Variants in LCOR observed in about 807,000 individuals in gnomAD.
The protein encoded by LCOR is ligand-dependent corepressor.
A neutral mutation model predicts 64.4 loss-of-function variants in LCOR; 14 were observed. The observed-to-expected ratio is 0.22, with a 90% confidence interval of 0.14 to 0.34. The LOEUF (loss-of-function observed/expected upper bound fraction) is 0.34, where lower values mean the gene tolerates loss of function less well. Ranked by LOEUF, LCOR falls within the 10% of genes least tolerant of loss-of-function variation. The pLI is 1.00. For synonymous variants in LCOR, 643 were observed against 642.5 expected (o/e 1.00, Z -0.01); for missense variants, 1,686 against 1,765.3 (o/e 0.96, Z 0.80).
chr10:96,965,929 C>T (rs2134550273), intron 7 of LCOR, among the ~76,000 whole-genome samples: 1 of 152,132 alleles, frequency 6.6e-6, no homozygotes, highest in African/African-American at 2.4e-5. Context: ...AATAAGATTA[C>T]AGTTTAGCAT....
At chr10:96,888,339 G>C (rs1406182831) in intron 2 of LCOR, among the ~76,000 whole-genome samples, 2 of 126,168 alleles carry the variant, frequency 1.6e-5, no homozygotes, top group Admixed American at 8.5e-5. Context: ...ACTCTAGCCT[G>C]GGTGACAGAG....
intron 2 of LCOR, among the ~76,000 whole-genome samples, chr10:96,884,990 T>C (rs1237484866): frequency 6.6e-6 from 1 of 152,192 alleles, no homozygotes; most frequent in Non-Finnish European, 1.5e-5. Flanking sequence ...TGTGCACTTA[T>C]CACATATTTT....
intron 2 of LCOR, among the ~76,000 whole-genome samples, chr10:96,874,042 A>G (rs890834024): frequency 6.6e-5 from 10 of 152,156 alleles, no homozygotes; most frequent in African/African-American, 2.4e-4. Context: ...CTTGAAAATG[A>G]TTTGCTTTAC....
intron 2 of LCOR, among the ~76,000 whole-genome samples, chr10:96,890,926 T>C (rs1332010658): frequency 2.6e-5 from 4 of 152,240 alleles, no homozygotes; most frequent in African/African-American, 9.6e-5. Context: ...CATATGCTGC[T>C]AAATTTTGTT....
intron 4 of LCOR, among the ~76,000 whole-genome samples, chr10:96,941,145 G>A (rs1489649779): frequency 7.3e-6 from 1 of 137,534 alleles, no homozygotes; most frequent in Non-Finnish European, 1.6e-5. Context: ...GCCGGGCAGA[G>A]GCGCCCCTCA....
chr10:96,847,328 T>C (rs1344742445), intron 2 of LCOR, among the ~76,000 whole-genome samples: 1 of 149,270 alleles, frequency 6.7e-6, no homozygotes, highest in Non-Finnish European at 1.5e-5. Context: ...AATAGAAATT[T>C]ATGTGTGACT....
rs142323862 is a variant in LCOR at position 96,841,235 on chromosome 10, G to A, written c.-330+7756G>A. 8.6e-4 allele frequency among the ~76,000 whole-genome samples: 131 copies of A among 152,284 alleles called. 1 individual carries two copies. The East Asian group carries it at 0.019, about 22-fold the overall frequency. On this transcript the variant is annotated intron_variant, in intron 2 of 7. Coordinates refer to ENST00000421806, the MANE Select transcript of LCOR (RefSeq NM_001346516.2). ...TGTCTCACAAGAATTTTTTAAATGT[G>A]CAGTAATCTAGATGAATAATTAACT...
In LCOR at chr10:96,992,253, C is replaced by T. The variant is rs983758958; in HGVS notation, c.*7119C>T. On this transcript the variant is annotated 3_prime_UTR_variant, in exon 8 of 8. Coordinates refer to ENST00000421806, the MANE Select transcript of LCOR (RefSeq NM_001346516.2). ...CAAATACATATATATAATATTTATA[C>T]ACACCACTGTGGAATTTATTTCACT... 6.6e-6 allele frequency: 1 copy of T among 152,170 alleles called. No individual in the cohort carries two copies. Among genetic ancestry groups the T allele is most frequent in the African/African-American group, 2.4e-5 (1 of 41,428 alleles). 9.4% of individuals were successfully genotyped at this position (152,170 alleles called of 1,614,324 possible).
intron 7 of LCOR, among the ~76,000 whole-genome samples, chr10:96,966,220 CTTTTTTTTTT>C (rs34210121): frequency 2.5e-4 from 14 of 55,146 alleles, no homozygotes; most frequent in Admixed American, 5.9e-4. Context: ...CCAAAGGACT[CTTTTTTTTTT>C]TTTTTTTTTT....
intron 4 of LCOR, among the ~76,000 whole-genome samples, chr10:96,924,864 A>C (rs958637352): frequency 6.6e-6 from 1 of 152,118 alleles, no homozygotes; most frequent in African/African-American, 2.4e-5. Flanking sequence ...AAGTCAGGAA[A>C]GTTAACCCTG....
intron 7 of LCOR, among the ~76,000 whole-genome samples, chr10:96,971,087 A>G (rs1044590776): frequency 1.8e-4 from 27 of 152,082 alleles, no homozygotes; most frequent in African/African-American, 6.5e-4. Flanking sequence ...GCTGTTGAAA[A>G]CCTAGTGGTG....
chr10:96,882,157 C>G (rs1846272858), intron 2 of LCOR, among the ~76,000 whole-genome samples: 1 of 151,156 alleles, frequency 6.6e-6, no homozygotes, highest in Non-Finnish European at 1.5e-5. Flanking sequence ...TGTTGTTTCC[C>G]AAAACAAAAA....
chr10:96,946,871 C>A (rs572448420), intron 5 of LCOR, among the ~76,000 whole-genome samples: 1 of 152,056 alleles, frequency 6.6e-6, no homozygotes, highest in East Asian at 1.9e-4. Flanking sequence ...AACACAGAGG[C>A]ATCGCATAAA....
At chr10:96,876,070 A>G (rs1223894353) in intron 2 of LCOR, among the ~76,000 whole-genome samples, 1 of 151,866 alleles carries the variant, frequency 6.6e-6, no homozygotes, top group Non-Finnish European at 1.5e-5. Context: ...TTCCCCTATC[A>G]TATTGTCTTA....
intron 4 of LCOR, among the ~76,000 whole-genome samples, chr10:96,941,281 G>T (rs1378386887): frequency 3.7e-5 from 5 of 135,766 alleles, no homozygotes; most frequent in Admixed American, 2.2e-4. Flanking sequence ...CTGGCCAGGC[G>T]GGGGGCTGAT....
intron 2 of LCOR, among the ~76,000 whole-genome samples, chr10:96,845,618 C>T (rs1254840847): frequency 6.6e-6 from 1 of 151,088 alleles, no homozygotes; most frequent in Admixed American, 6.6e-5. Flanking sequence ...CAGGTGCTCG[C>T]CACCTCGCCC....
At chr10:96,955,573 A>G (rs147914528) in intron 7 of LCOR, 1 of 1,614,224 alleles carries the variant, frequency 6.2e-7, no homozygotes, top group Non-Finnish European at 8.5e-7. Context: ...GATGCTGAGC[A>G]GTCTACCTCT....
chr10:96,983,247 C>T lies in LCOR; in HGVS notation c.2787C>T (p.Pro929=), dbSNP rs772623508. The T allele has an allele frequency of 6.2e-7, 1 of 1,614,174 alleles. No individual in the cohort carries two copies. The highest frequency in any genetic ancestry group is 1.3e-5 in the African/African-American group (1 of 75,038). The part of the protein sequence containing the change: ...EVKELRGEIF[P]SRDPITTAGQ... Reference sequence around the variant, plus strand: ...AGGAGTTACGAGGAGAGATTTTCCCCAGCAGGGACCCCATAACCACAGCTG... The same window carrying T: ...AGGAGTTACGAGGAGAGATTTTCCCTAGCAGGGACCCCATAACCACAGCTG... Residue 929 remains proline (P), a synonymous_variant, in exon 8 of 8, where the codon CCC becomes CCT. Transcript: ENST00000421806. This position sits in a 1 kb window ranked among gnomAD's most constrained non-coding sequence, Gnocchi z 4.5.
At chr10:96,975,105 C>T (rs1055046477) in intron 7 of LCOR, among the ~76,000 whole-genome samples, 1 of 152,070 alleles carries the variant, frequency 6.6e-6, no homozygotes, top group African/African-American at 2.4e-5. Flanking sequence ...CGGGAGGTGG[C>T]GGTTGCCGTG....
Sources: gnomAD v4.1 joint callset for allele counts (sites outside exome capture counted in the v4.1 genomes callset) on GRCh38, gnomAD v4.1.1 for gene constraint, Gnocchi (gnomAD v3.1) non-coding constraint, MANE v1.5 for transcripts, NCBI Gene and HGNC (gene_info 2026-07-23, HGNC 2026-07-21) for gene names.